The following GSE1 variants were observed in gnomAD, a reference collection of about 807,000 sequenced individuals.
GSE1 encodes genetic suppressor element 1.
GSE1 carries 32 observed loss-of-function variants against 112.6 expected under a neutral mutation model. That is an observed-to-expected ratio of 0.28 (90% CI 0.21 to 0.38). GSE1 has a LOEUF of 0.38. Among genes scored for constraint, GSE1 ranks in the 10% least tolerant of loss-of-function variants. The pLI, the probability that GSE1 is intolerant of heterozygous loss-of-function variation, is 1.00. For synonymous variants in GSE1, 1,115 were observed against 735.6 expected (o/e 1.52, Z -8.35); for missense variants, 2,348 against 1,699.2 (o/e 1.38, Z -6.71).
rs1032486588 is a variant in GSE1 at position 85,675,127 on chromosome 16, A to T, written c.*2588A>T. Reference sequence around the variant, plus strand: ...ACAGTAGCACCTAAATCTGTTTTCAATTGGGCTTAAAAATTGACATGCAAT... The same window carrying T: ...ACAGTAGCACCTAAATCTGTTTTCATTTGGGCTTAAAAATTGACATGCAAT... On this transcript the variant is annotated 3_prime_UTR_variant, in exon 16 of 16. Transcript: ENST00000253458. The T allele has an allele frequency of 6.6e-6, 1 of 151,752 alleles. No homozygotes were observed. The highest frequency in any genetic ancestry group is 1.9e-4 in the East Asian group (1 of 5,174). 9.4% of individuals were successfully genotyped at this position (151,752 alleles called of 1,614,324 possible).
At chr16:85,431,072 C>CT (rs1490939218) in intron 2 of GSE1, among the ~76,000 whole-genome samples, 2 of 96,478 alleles carry the variant, frequency 2.1e-5, no homozygotes, top group Admixed American at 1.1e-4. Flanking sequence ...AAGCCACTGC[C>CT]TCGGGGGGCG....
intron 2 of GSE1, among the ~76,000 whole-genome samples, chr16:85,383,040 AC>A (rs1403799325): frequency 2.6e-5 from 4 of 150,956 alleles, no homozygotes; most frequent in Non-Finnish European, 2.9e-5. Flanking sequence ...GCACACACAC[AC>A]CGTGTACATG....
chr16:85,630,517 A>G (rs1015978366), intron 1 of GSE1, among the ~76,000 whole-genome samples: 12 of 152,194 alleles, frequency 7.9e-5, no homozygotes, highest in Non-Finnish European at 1.8e-4. Context: ...GACAGCGTCT[A>G]TGCTGCCCAG....
At chr16:85,382,922 A>G (rs2047586393) in intron 2 of GSE1, among the ~76,000 whole-genome samples, 1 of 151,806 alleles carries the variant, frequency 6.6e-6, no homozygotes, top group Non-Finnish European at 1.5e-5. Context: ...ACATACATGC[A>G]CACACGCGCA....
rs1465688861 is a variant in GSE1 at position 85,657,988 on chromosome 16, C to T, written c.1640+384C>T. 2.0e-5 allele frequency among the ~76,000 whole-genome samples: 3 copies of T among 152,130 alleles called. No individual in the cohort carries two copies. In the South Asian group the frequency reaches 6.2e-4, roughly 32 times the overall value. Reference sequence around the variant, plus strand: ...TTCCTCTGCTTTTGAGCCTGGACTTCTTTTTTTAACAAGAAGGGGACAGCT... The same window carrying T: ...TTCCTCTGCTTTTGAGCCTGGACTTTTTTTTTTAACAAGAAGGGGACAGCT... On this transcript the variant is annotated intron_variant, in intron 8 of 15. Coordinates refer to ENST00000253458, the MANE Select transcript of GSE1 (RefSeq NM_014615.5).
upstream of GSE1, chr16:85,613,158 T>C (rs1367431876): frequency 5.2e-6 from 7 of 1,345,106 alleles, no homozygotes; most frequent in Non-Finnish European, 6.8e-6. Context: ...CTGGCTGAGG[T>C]CAGGGAGCCG....
intron 3 of GSE1, among the ~76,000 whole-genome samples, chr16:85,652,002 G>GCCT (rs745612485): frequency 2.9e-4 from 44 of 152,228 alleles, no homozygotes; most frequent in Non-Finnish European, 5.0e-4. Context: ...CAGGGTAGGG[G>GCCT]CGTGAGGCAG....
intron 1 of GSE1, among the ~76,000 whole-genome samples, chr16:85,255,414 T>G (rs1278524463): frequency 7.8e-6 from 1 of 127,504 alleles, no homozygotes; most frequent in Non-Finnish European, 1.5e-5. Flanking sequence ...AGTGCCTACT[T>G]TTTTTTTTTT....
intron 2 of GSE1, among the ~76,000 whole-genome samples, chr16:85,473,930 A>G (rs889796625): frequency 6.6e-5 from 10 of 152,002 alleles, no homozygotes; most frequent in African/African-American, 2.2e-4. Context: ...GAGCTGGTCC[A>G]ATGCCTGGGA....
intron 1 of GSE1, among the ~76,000 whole-genome samples, chr16:85,627,190 G>A (rs1598436002): frequency 6.7e-6 from 1 of 148,238 alleles, no homozygotes; most frequent in Admixed American, 6.7e-5. Context: ...GCCTCACCCG[G>A]GGGCGGTGGT....
At chr16:85,496,638 G>A (rs751356051) in intron 2 of GSE1, among the ~76,000 whole-genome samples, 12 of 152,244 alleles carry the variant, frequency 7.9e-5, no homozygotes, top group Non-Finnish European at 1.2e-4. Flanking sequence ...GCAGGGAGCT[G>A]GGACCATGCT....
At chr16:85,562,360 C>T (rs938720757) in intron 1 of GSE1, among the ~76,000 whole-genome samples, 1 of 152,140 alleles carries the variant, frequency 6.6e-6, no homozygotes, top group Non-Finnish European at 1.5e-5. Flanking sequence ...TGGTTCCCAC[C>T]CCCCCTGCCC....
At position 85,520,847 on chromosome 16, in the gene GSE1, G is replaced by C. The variant is rs1029383443; in HGVS notation, c.2465-113067G>C. On this transcript the variant is annotated intron_variant, in intron 2 of 2. Coordinates refer to the GSE1 transcript ENST00000637419. ...TGGATCACAATGGGGACCAGCCTGG[G>C]GGGAAGGAGAAACAGGGCAGCGTCC... is the stretch of plus-strand genomic sequence containing the variant. 3.1e-4 allele frequency among the ~76,000 whole-genome samples: 47 copies of C among 152,344 alleles called. 1 individual carries two copies. The highest frequency in any genetic ancestry group is 1.1e-3 in the African/African-American group (47 of 41,574).
Position 85,665,969 on chromosome 16 carries a change from C to A in GSE1, c.2759-7C>A. ...CTTAATATTTTCCTTCACTTTGTCT[C>A]TAAAAGAACCAGCCACGCAGCAAGC... On this transcript the variant is annotated splice_region_variant and splice_polypyrimidine_tract_variant and intron_variant, in intron 12 of 15. Transcript: ENST00000253458. 1 of 1,612,854 alleles carries A rather than the reference C, an allele frequency of 6.2e-7. No individual in the cohort carries two copies.
chr16:85,654,421 T>C lies in GSE1; in HGVS notation c.570T>C (p.Val190=). ...PYPFGLSPSS[V]VQDSRFPPLN... Reference sequence around the variant, plus strand: ...CCTTCGGCCTCTCCCCCAGCTCAGTTGTGCAGGATTCCCGCTTCCCGCCAC... The same window carrying C: ...CCTTCGGCCTCTCCCCCAGCTCAGTCGTGCAGGATTCCCGCTTCCCGCCAC... Residue 190 remains valine, a synonymous_variant, in exon 4 of 16, where the codon GTT becomes GTC. Coordinates refer to ENST00000253458, the MANE Select transcript of GSE1 (RefSeq NM_014615.5). 2 of 1,577,494 alleles carry C rather than the reference T, an allele frequency of 1.3e-6. No homozygotes were observed. Among genetic ancestry groups the C allele is most frequent in the Non-Finnish European group, 1.7e-6 (2 of 1,160,788 alleles).
rs536364658 is a variant in GSE1 at position 85,601,211 on chromosome 16, G to T, written c.37+44848G>T. ...AGACGCCCCTAGTGCAGTCGTGAGG[G>T]CCAGGAGGGAGTCTCAGAGGGGAAA... On this transcript the variant is annotated intron_variant, in intron 1 of 2. Coordinates refer to the GSE1 transcript ENST00000635906. Among the ~76,000 whole-genome samples the T allele has an allele frequency of 1.2e-3, 190 of 152,116 alleles. 1 individual carries two copies. The highest frequency in any genetic ancestry group is 4.4e-3 in the African/African-American group (183 of 41,452).
intron 2 of GSE1, among the ~76,000 whole-genome samples, chr16:85,411,279 CCT>C (rs35016971): frequency 6.6e-5 from 1 of 15,208 alleles, no homozygotes; most frequent in Non-Finnish European, 1.8e-4. Flanking sequence ...TCAGGGCCCC[CCT>C]GGATAATCCT....
At chr16:85,478,976 C>A (rs940839741) in intron 2 of GSE1, among the ~76,000 whole-genome samples, 1 of 17,682 alleles carries the variant, frequency 5.7e-5, no homozygotes, top group South Asian at 1.1e-3. Context: ...TCCTTCCTTC[C>A]TTCCTTCCTT....
At chr16:85,565,609 C>T (rs867128980) in intron 1 of GSE1, among the ~76,000 whole-genome samples, 6 of 152,278 alleles carry the variant, frequency 3.9e-5, no homozygotes, top group African/African-American at 9.6e-5. Context: ...AGAGCCAGGG[C>T]AGCGAGTGCC....
Sources: gnomAD v4.1 joint callset for allele counts (sites outside exome capture counted in the v4.1 genomes callset) on GRCh38, gnomAD v4.1.1 for gene constraint, MANE v1.5 for transcripts, NCBI Gene and HGNC (gene_info 2026-07-23, HGNC 2026-07-21) for gene names.